Variants in SAFB2 observed in about 807,000 individuals in gnomAD.
The protein encoded by SAFB2 is scaffold attachment factor B2.
Under a neutral mutation model 100.6 loss-of-function variants are expected in SAFB2, and 32 were observed. The ratio of observed to expected loss-of-function variants is 0.32; its 90% confidence interval spans 0.24 to 0.43. The LOEUF (loss-of-function observed/expected upper bound fraction) is 0.43, where lower values mean the gene tolerates loss of function less well. Ranked by LOEUF, SAFB2 falls within the 20% of genes least tolerant of loss-of-function variation. The pLI, the probability that SAFB2 is intolerant of heterozygous loss-of-function variation, is 1.00. For synonymous variants in SAFB2, 500 were observed against 439.4 expected, an observed-to-expected ratio of 1.14 and a Z score of -1.72; for missense variants, 1,185 against 1,163.4, an observed-to-expected ratio of 1.02 and a Z score of -0.27.
chr19:5,594,227 G>C (rs2052488059), intron 14 of SAFB2, 49 bp from the exon 15 acceptor site: 1 of 1,500,714 alleles, frequency 6.7e-7, no homozygotes, highest in South Asian at 1.3e-5. Context: ...GAGCCTCCAA[G>C]GAGAAAGCCC....
intron 11 of SAFB2, among the ~76,000 whole-genome samples, chr19:5,604,136 C>T (rs1026288061): frequency 3.9e-5 from 6 of 152,294 alleles, no homozygotes; most frequent in African/African-American, 7.2e-5. Flanking sequence ...ACTGGCAGGG[C>T]GTGGTGGCTC....
At position 5,587,796 on chromosome 19, in the gene SAFB2, T is replaced by C. The variant is rs1175080931; in HGVS notation, c.2639-29A>G. The C allele has an allele frequency of 1.3e-6, 2 of 1,555,344 alleles. No homozygotes were observed. ...GAAGAGAAGAAGGGTCTGCAAACAC[T>C]CCGTTCCTGGGGAAGCCCCTGGACA... On this transcript the variant is annotated intron_variant, in intron 19 of 20. Coordinates refer to ENST00000252542, the MANE Select transcript of SAFB2 (RefSeq NM_014649.3). This position sits in a 1 kb window ranked among gnomAD's most constrained non-coding sequence, Gnocchi z 4.9.
chr19:5,602,300 A>AC (rs1016632169), intron 11 of SAFB2, among the ~76,000 whole-genome samples: 1 of 151,226 alleles, frequency 6.6e-6, no homozygotes, highest in Non-Finnish European at 1.5e-5. Context: ...ACACAGTGAA[A>AC]CCCCGTCTCA....
At chr19:5,622,381 G>T in intron 1 of SAFB2, 149 bp downstream of exon 1, 1 of 668,032 alleles carries the variant, frequency 1.5e-6, no homozygotes, top group Non-Finnish European at 2.3e-6. Context: ...TCACACAGCC[G>T]GCCCCCTGGG....
chr19:5,588,558 T>C (rs1353449625), intron 18 of SAFB2, among the ~76,000 whole-genome samples: 1 of 152,018 alleles, frequency 6.6e-6, no homozygotes, highest in Non-Finnish European at 1.5e-5. Context: ...CAGCCCTAAC[T>C]AGGAAGGAAG....
In SAFB2 at chr19:5,600,134, T is replaced by C. The variant is rs531514063; in HGVS notation, c.1686A>G (p.Lys562=). Residue 562 remains lysine (K), a synonymous_variant, in exon 12 of 21, where the codon AAA becomes AAG. Coordinates refer to ENST00000252542, the MANE Select transcript of SAFB2 (RefSeq NM_014649.3). ...PGPTNRSRVT[K]SGSRGMERTV... Reference sequence around the variant, plus strand: ...CTCTTAAAAGGCTCTCCTCACCTGATTTGGTGACTCTAGACCGATTTGTAG... The same window carrying C: ...CTCTTAAAAGGCTCTCCTCACCTGACTTGGTGACTCTAGACCGATTTGTAG... The C allele has an allele frequency of 1.1e-5, 18 of 1,611,578 alleles. No homozygotes were observed. In the South Asian group the frequency reaches 2.0e-4, roughly 18 times the overall value.
Position 5,598,851 on chromosome 19 carries a change from T to C in SAFB2, c.1724A>G (p.Asp575Gly). The C allele has an allele frequency of 6.2e-7, 1 of 1,614,152 alleles. No homozygotes were observed. Among genetic ancestry groups the C allele is most frequent in the Non-Finnish European group, 8.5e-7 (1 of 1,180,034 alleles). The change falls in exon 13 of 21, where the codon GAT becomes GGT. Residue 575 changes from aspartate (D) to glycine (G), a missense_variant. Physicochemically the swap from Asp to Gly is moderately conservative, Grantham distance 94. This residue lies in a region of SAFB2 where 740 missense variants were observed against 687.1 expected (regional missense o/e 1.08). Transcript: ENST00000252542. Reference sequence around the variant, plus strand: ...AATGACGGGCTCTCCTTTCGATTTATCCATCACGACCGTCCGCTCCATTCC... The same window carrying C: ...AATGACGGGCTCTCCTTTCGATTTACCCATCACGACCGTCCGCTCCATTCC... The part of the protein sequence containing the change: ...SRGMERTVVM[D>G]KSKGEPVISV...
At chr19:5,612,606 A>C in intron 5 of SAFB2, 39 bp from the exon 6 acceptor site, 1 of 1,548,100 alleles carries the variant, frequency 6.5e-7, no homozygotes, top group South Asian at 1.1e-5. Flanking sequence ...AAGTCACTTT[A>C]AACACGGGGC....
intron 1 of SAFB2, among the ~76,000 whole-genome samples, chr19:5,622,096 T>C (rs1166765183): frequency 6.6e-6 from 1 of 152,122 alleles, no homozygotes; most frequent in Non-Finnish European, 1.5e-5. Flanking sequence ...GACAGCTTCG[T>C]AAAGGCCAAA....
chr19:5,605,012 G>A, intron 9 of SAFB2, 76 bp from the exon 10 acceptor site: 2 of 1,530,122 alleles, frequency 1.3e-6, no homozygotes, highest in Non-Finnish European at 1.8e-6. Context: ...CTGGCAATCA[G>A]AATCATTTTC....
At chr19:5,599,994 G>A (rs757608570) in intron 12 of SAFB2, 136 bp downstream of exon 12, 83 of 892,236 alleles carry the variant, frequency 9.3e-5, no homozygotes, top group Non-Finnish European at 1.3e-4. Context: ...ACAGACTCTT[G>A]TTTCTTTAAC....
intron 9 of SAFB2, among the ~76,000 whole-genome samples, chr19:5,605,918 C>T (rs907601686): frequency 1.3e-5 from 2 of 152,152 alleles, no homozygotes; most frequent in Non-Finnish European, 2.9e-5. Context: ...AGAGAGGACA[C>T]AGCCACACAG....
At chr19:5,590,778 C>G (rs539356011) in intron 17 of SAFB2, among the ~76,000 whole-genome samples, 7 of 152,358 alleles carry the variant, frequency 4.6e-5, no homozygotes, top group South Asian at 2.1e-4. Flanking sequence ...GGTCAGCCCC[C>G]CTGTGCTCTG....
At chr19:5,602,796 C>T (rs531246250) in intron 11 of SAFB2, among the ~76,000 whole-genome samples, 3 of 152,272 alleles carry the variant, frequency 2.0e-5, no homozygotes, top group East Asian at 1.9e-4. Context: ...CCAAGAACAC[C>T]GCAAACCTGC....
Position 5,596,632 on chromosome 19 carries a change from C to T in SAFB2, c.1783-1135G>A, listed in dbSNP as rs116481157. Among the ~76,000 whole-genome samples the T allele has an allele frequency of 5.5e-3, 844 of 152,280 alleles. 8 individuals are homozygous for T. Among genetic ancestry groups the T allele is most frequent in the African/African-American group, 0.019 (797 of 41,554 alleles). On this transcript the variant is annotated intron_variant, in intron 13 of 20. Coordinates refer to ENST00000252542, the MANE Select transcript of SAFB2 (RefSeq NM_014649.3). ...TGCCGGGATTACAGGTGTGAGCCAC[C>T]GCACCCAGCCTACATTCATCATTTT...
At position 5,590,304 on chromosome 19, in the gene SAFB2, T is replaced by C; in HGVS notation, c.2499A>G (p.Glu833=). ...GGYGSDKRLS[E]GRGLPPPPRG... ...TGGGGGGAGGGGGCAGCCCCCGGCC[T>C]TCACTCAGCCTCTTGTCGGAGCCGT... is the stretch of plus-strand genomic sequence containing the variant. The change falls in exon 18 of 21, where the codon GAA becomes GAG. Residue 833 remains glutamate (E), a synonymous_variant. Coordinates refer to ENST00000252542, the MANE Select transcript of SAFB2 (RefSeq NM_014649.3). 6.2e-7 allele frequency: 1 copy of C among 1,604,784 alleles called. No homozygotes were observed. The highest frequency in any genetic ancestry group is 8.5e-7 in the Non-Finnish European group (1 of 1,176,462).
intron 9 of SAFB2, among the ~76,000 whole-genome samples, chr19:5,609,297 AT>A (rs1555689354): frequency 7.0e-6 from 1 of 142,154 alleles, no homozygotes; most frequent in Non-Finnish European, 1.5e-5. Flanking sequence ...TATTCACTTC[AT>A]TCTTTTTTTT....
rs1159499137 is a variant in SAFB2, at chr19:5,604,602, C to T, written c.1540G>A (p.Val514Met). 4 of 1,613,978 alleles carry T rather than the reference C, an allele frequency of 2.5e-6. No individual in the cohort carries two copies. Among genetic ancestry groups the T allele is most frequent in the Non-Finnish European group, 3.4e-6 (4 of 1,179,820 alleles). Residue 514 changes from valine to methionine, a missense_variant, in exon 11 of 21, where the codon GTG becomes ATG. Val to Met is a conservative substitution (Grantham distance 21). This residue lies in a region of SAFB2 where 740 missense variants were observed against 687.1 expected (regional missense o/e 1.08). Transcript: ENST00000252542. ...KLSSVDRHHSVEIKIEKTVIK... is the reference protein window; with the variant it reads ...KLSSVDRHHSMEIKIEKTVIK... ...CTTTACTTTTCAATTTTGATCTCCA[C>T]AGAATGATGTCTGTCGACACTCGAT...
chr19:5,611,055 T>C (rs972472273), intron 7 of SAFB2, 65 bp downstream of exon 7: 1 of 269,688 alleles, frequency 3.7e-6, no homozygotes, highest in African/African-American at 2.5e-5. Context: ...AAACAGCTTA[T>C]GTGTGTCATT....
Sources: allele counts gnomAD v4.1 joint callset (sites outside exome capture counted in the v4.1 genomes callset), GRCh38; gene constraint gnomAD v4.1.1; regional missense constraint gnomAD v4.1.1; non-coding constraint Gnocchi (gnomAD v3.1); transcripts MANE v1.5; gene names NCBI Gene and HGNC (gene_info 2026-07-23, HGNC 2026-07-21).